The following CDIN1 variants were observed in gnomAD, a reference collection of about 807,000 sequenced individuals.
CDIN1 encodes the protein CDAN1 interacting nuclease 1.
A neutral mutation model predicts 45.3 loss-of-function variants in CDIN1; 33 were observed. The observed-to-expected ratio is 0.73, with a 90% CI of 0.55 to 0.97. The LOEUF (loss-of-function observed/expected upper bound fraction) is 0.97, where lower values mean the gene tolerates loss of function less well. Among genes scored for constraint, CDIN1 ranks in the 50% least tolerant of loss-of-function variants. The pLI is 0.00. For synonymous variants in CDIN1, 118 were observed against 124.4 expected, an observed-to-expected ratio of 0.95 and a Z score of 0.34; for missense variants, 303 against 339.4, an observed-to-expected ratio of 0.89 and a Z score of 0.84.
At chr15:36,587,620 T>C (rs1214371615) in intron 1 of CDIN1, among the ~76,000 whole-genome samples, 4 of 152,176 alleles carry the variant, frequency 2.6e-5, no homozygotes, top group African/African-American at 4.8e-5. Flanking sequence ...ATGGTTGTCT[T>C]TTTTGAACAA....
intron 1 of CDIN1, among the ~76,000 whole-genome samples, chr15:36,581,648 T>A (rs921343710): frequency 1.4e-4 from 21 of 152,052 alleles, no homozygotes; most frequent in Admixed American, 1.4e-3. Flanking sequence ...GAGGCCGAGA[T>A]GGGAGGATCA....
chr15:36,714,849 G>T (rs1208544133), intron 10 of CDIN1, among the ~76,000 whole-genome samples: 1 of 152,216 alleles, frequency 6.6e-6, no homozygotes, highest in East Asian at 1.9e-4. Flanking sequence ...TGGTCTTGGG[G>T]CTATAAGATC....
intron 5 of CDIN1, among the ~76,000 whole-genome samples, chr15:36,682,254 T>C (rs2041876246): frequency 6.6e-6 from 1 of 152,058 alleles, no homozygotes; most frequent in Non-Finnish European, 1.5e-5. Flanking sequence ...GCCAGCAGGC[T>C]TGAGACACAG....
rs149222188 is a variant in CDIN1, at chr15:36,774,163, T to TGTGTGTGTGTGTGC, written c.717-34160_717-34159insTGTGTGTGTGTGCG. 3.1e-3 allele frequency among the ~76,000 whole-genome samples: 450 copies of TGTGTGTGTGTGTGC among 143,148 alleles called. 4 individuals are homozygous for TGTGTGTGTGTGTGC. Among genetic ancestry groups the TGTGTGTGTGTGTGC allele is most frequent in the African/African-American group, 0.011 (403 of 37,736 alleles). The allele number at this position is 143,148 out of a possible 152,430, so 93.9% of individuals were successfully genotyped here. The stretch of plus-strand genomic sequence containing the variant: ...GTGTGTGTGTGTGTGTGTGTGTGTG[T>TGTGTGTGTGTGTGC]GCGCGCGCGCGCATGCATGAGGGGA... On this transcript the variant is annotated intron_variant, in intron 10 of 10. Transcript: ENST00000566621.
chr15:36,722,496 T>C (rs1296863993), intron 10 of CDIN1, among the ~76,000 whole-genome samples: 2 of 152,176 alleles, frequency 1.3e-5, no homozygotes, highest in African/African-American at 4.8e-5. Flanking sequence ...CAGCTTTCTT[T>C]GGTTATCTAC....
intron 10 of CDIN1, chr15:36,747,030 C>G: frequency 5.0e-6 from 2 of 397,492 alleles, no homozygotes; most frequent in Admixed American, 4.4e-5. Flanking sequence ...ATTACAGGAG[C>G]GAGGAAACAT....
Position 36,746,669 on chromosome 15 carries a change from C to CCACA in CDIN1, c.716+36734_716+36737dup, listed in dbSNP as rs34320677. Among the ~76,000 whole-genome samples, 782 of 141,488 alleles carry CCACA rather than the reference C, an allele frequency of 5.5e-3. 9 individuals carry two copies. The highest frequency in any genetic ancestry group is 0.017 in the African/African-American group (633 of 36,680). 92.8% of individuals were successfully genotyped at this position (141,488 alleles called of 152,430 possible). A position where few individuals can be genotyped will look rare whatever the true frequency, so the allele number is the denominator to read the frequency against. ...GCATATCATATATAAATATATGGTT[C>CCACA]CACACACACACACACACACACACAC... On this transcript the variant is annotated intron_variant, in intron 10 of 10. Transcript: ENST00000566621.
chr15:36,614,090 T>A (rs2038775203), intron 1 of CDIN1: 1 of 843,396 alleles, frequency 1.2e-6, no homozygotes, highest in Admixed American at 1.7e-5. Flanking sequence ...TGCTGAGAGA[T>A]CGGTAGCCAA....
intron 5 of CDIN1, among the ~76,000 whole-genome samples, chr15:36,688,133 T>C (rs1276763971): frequency 2.6e-5 from 4 of 151,430 alleles, no homozygotes; most frequent in African/African-American, 7.3e-5. Flanking sequence ...GAGGAAATAA[T>C]GATGAAAAAG....
At chr15:36,717,669 GATGTA>G (rs2043261395) in intron 10 of CDIN1, among the ~76,000 whole-genome samples, 1 of 152,088 alleles carries the variant, frequency 6.6e-6, no homozygotes, top group African/African-American at 2.4e-5. Flanking sequence ...CTTGAGTAAA[GATGTA>G]ATGTAATCAT....
chr15:36,788,062 C>T lies in CDIN1; in HGVS notation c.717-20262C>T, dbSNP rs1367237594. Among the ~76,000 whole-genome samples, 22 of 121,294 alleles carry T rather than the reference C, an allele frequency of 1.8e-4. No individual in the cohort carries two copies. In the Admixed American group the frequency reaches 1.9e-3, roughly 10 times the overall value. The allele number at this position is 121,294 out of a possible 152,430, so 79.6% of individuals were successfully genotyped here. ...GCCTCACATTTAAAGAGCAATATGA[C>T]GATAATTTTATACATATATATATAT... On this transcript the variant is annotated intron_variant, in intron 10 of 10. Transcript: ENST00000566621.
chr15:36,802,961 A>G (rs903677807), intron 10 of CDIN1, among the ~76,000 whole-genome samples: 1 of 152,084 alleles, frequency 6.6e-6, no homozygotes, highest in Non-Finnish European at 1.5e-5. Flanking sequence ...AAAACTGAAC[A>G]AAATGTAAGC....
chr15:36,712,003 G>T (rs1434843450), intron 10 of CDIN1, among the ~76,000 whole-genome samples: 1 of 152,144 alleles, frequency 6.6e-6, no homozygotes, highest in Non-Finnish European at 1.5e-5. Context: ...CACAACTCAT[G>T]TATATTAGCA....
At chr15:36,596,533 G>A (rs1448257073) in intron 1 of CDIN1, among the ~76,000 whole-genome samples, 2 of 152,088 alleles carry the variant, frequency 1.3e-5, no homozygotes, top group Admixed American at 6.5e-5. Flanking sequence ...TGCCTGGTAT[G>A]CAGAACAGTT....
At chr15:36,799,072 TC>T (rs1464309208) in intron 10 of CDIN1, 2 of 152,220 alleles carry the variant, frequency 1.3e-5, no homozygotes, top group African/African-American at 2.4e-5. Context: ...TTGGCGTGTT[TC>T]CCTGGGGAAA....
chr15:36,746,675 A>G (rs1400042204), intron 10 of CDIN1, among the ~76,000 whole-genome samples: 2 of 150,580 alleles, frequency 1.3e-5, no homozygotes, highest in African/African-American at 4.9e-5. Context: ...GGTTCCACAC[A>G]CACACACACA....
rs1429027453 is a variant in CDIN1, at chr15:36,619,322, G to A, written c.102-24956G>A. 7 of 677,292 alleles carry A rather than the reference G, an allele frequency of 1.0e-5. 1 individual carries two copies. The highest frequency in any genetic ancestry group is 3.4e-5 in the Admixed American group (1 of 29,612). The allele number at this position is 677,292 out of a possible 1,614,324, so 42.0% of individuals were successfully genotyped here. On this transcript the variant is annotated intron_variant, in intron 1 of 10. Coordinates refer to ENST00000566621, the MANE Select transcript of CDIN1 (RefSeq NM_001321759.2). ...TCTCTCTTCCCGTTAAACTTGAGCTGTAGCTATATTGAACTGTTTTGGAGG... is the reference window on the plus strand; with the variant it reads ...TCTCTCTTCCCGTTAAACTTGAGCTATAGCTATATTGAACTGTTTTGGAGG...
At chr15:36,705,677 CTTT>C (rs1467342791) in intron 8 of CDIN1, 1 of 152,114 alleles carries the variant, frequency 6.6e-6, no homozygotes, top group Non-Finnish European at 1.5e-5. Flanking sequence ...AACAGGTCTG[CTTT>C]TAAGTGATAA....
intron 10 of CDIN1, among the ~76,000 whole-genome samples, chr15:36,773,732 T>G (rs918071): frequency 0.99 from 151,134 of 152,376 alleles, 74,969 homozygotes; most frequent in Middle Eastern, 1. Context: ...TAGATATTAT[T>G]ATAGTGTAGG....
Sources: allele counts gnomAD v4.1 joint callset (sites outside exome capture counted in the v4.1 genomes callset), GRCh38; gene constraint gnomAD v4.1.1; transcripts MANE v1.5; gene names NCBI Gene and HGNC (gene_info 2026-07-23, HGNC 2026-07-21).